The following ATE1 variants were observed in gnomAD, a reference collection of about 807,000 sequenced individuals.
The protein encoded by ATE1 is arginyltransferase 1.
In ATE1, 36 loss-of-function variants were observed where a neutral mutation model predicts 70.5. The ratio of observed to expected loss-of-function variants is 0.51; its 90% CI spans 0.39 to 0.67. ATE1 has a LOEUF of 0.67. Ranked by LOEUF, ATE1 falls within the 30% of genes least tolerant of loss-of-function variation. ATE1 has a pLI of 0.00. For missense variants in ATE1, 593 were observed against 629.5 expected (o/e 0.94, Z 0.62); for synonymous variants, 232 against 219.3 (o/e 1.06, Z -0.51).
intron 7 of ATE1, among the ~76,000 whole-genome samples, chr10:121,882,827 A>T (rs1950268058): frequency 6.6e-6 from 1 of 152,228 alleles, no homozygotes; most frequent in African/African-American, 2.4e-5. Flanking sequence ...GACAGCTAAC[A>T]TCCCATTTCA....
intron 6 of ATE1, among the ~76,000 whole-genome samples, chr10:121,900,209 A>T (rs2134294684): frequency 6.6e-6 from 1 of 152,324 alleles, no homozygotes. Flanking sequence ...ATCCCCTCTA[A>T]ACTATAAGCC....
chr10:121,897,288 T>G (rs1950817352), intron 7 of ATE1, among the ~76,000 whole-genome samples: 1 of 152,090 alleles, frequency 6.6e-6, no homozygotes, highest in South Asian at 2.1e-4. Flanking sequence ...ACAGAAACAT[T>G]TTGTCCAACT....
At chr10:121,745,642 G>A (rs1944334242) in intron 11 of ATE1, among the ~76,000 whole-genome samples, 1 of 152,194 alleles carries the variant, frequency 6.6e-6, no homozygotes, top group Admixed American at 6.5e-5. Flanking sequence ...CAGGAGAATG[G>A]TGTGAACCCG....
At chr10:121,902,203 T>C (rs1351990323) in intron 6 of ATE1, among the ~76,000 whole-genome samples, 188 bp downstream of exon 6, 2 of 151,904 alleles carry the variant, frequency 1.3e-5, no homozygotes, top group African/African-American at 4.8e-5. Context: ...AAAAAAGGAG[T>C]TTCCCTCAAA....
intron 4 of ATE1, among the ~76,000 whole-genome samples, chr10:121,912,248 A>C (rs1410632632): frequency 6.6e-6 from 1 of 152,120 alleles, no homozygotes; most frequent in African/African-American, 2.4e-5. Context: ...TCTTTTTGTC[A>C]TAGCTGTTTA....
intron 10 of ATE1, among the ~76,000 whole-genome samples, chr10:121,821,218 C>T (rs575071984): frequency 5.9e-5 from 9 of 152,216 alleles, no homozygotes; most frequent in Middle Eastern, 3.4e-3. Context: ...TGCTGAGATT[C>T]CTGATGTGAG....
At chr10:121,848,590 C>T (rs1202356699) in intron 8 of ATE1, among the ~76,000 whole-genome samples, 3 of 147,194 alleles carry the variant, frequency 2.0e-5, no homozygotes, top group Non-Finnish European at 4.5e-5. Context: ...TGCACTCCAG[C>T]CTGGGCAACA....
chr10:121,903,346 C>T (rs1951062205), intron 5 of ATE1, among the ~76,000 whole-genome samples: 1 of 152,118 alleles, frequency 6.6e-6, no homozygotes, highest in South Asian at 2.1e-4. Flanking sequence ...AACATAAATA[C>T]TTAGGAACCA....
intron 10 of ATE1, among the ~76,000 whole-genome samples, chr10:121,796,888 A>G (rs1345049374): frequency 6.6e-6 from 1 of 152,238 alleles, no homozygotes; most frequent in Non-Finnish European, 1.5e-5. Flanking sequence ...GCTTTAGCCT[A>G]TAATTTGAAG....
chr10:121,908,989 ATTG>A (rs1030202871), intron 5 of ATE1, among the ~76,000 whole-genome samples: 4 of 152,136 alleles, frequency 2.6e-5, no homozygotes, highest in East Asian at 1.9e-4. Flanking sequence ...AACAAAAGAG[ATTG>A]TTGTTGTTGT....
intron 11 of ATE1, among the ~76,000 whole-genome samples, chr10:121,777,774 T>C (rs2135931592): frequency 6.6e-6 from 1 of 152,346 alleles, no homozygotes; most frequent in Admixed American, 6.5e-5. Flanking sequence ...TCAAACTAAG[T>C]AGAAATTTAC....
chr10:121,868,019 T>C (rs934940258), intron 8 of ATE1, among the ~76,000 whole-genome samples: 1 of 152,206 alleles, frequency 6.6e-6, no homozygotes, highest in African/African-American at 2.4e-5. Flanking sequence ...TATGAATGTA[T>C]ATAAAGCCTT....
chr10:121,811,780 A>AT (rs1947327637), intron 10 of ATE1, among the ~76,000 whole-genome samples: 1 of 151,968 alleles, frequency 6.6e-6, no homozygotes, highest in Non-Finnish European at 1.5e-5. Context: ...ATGTCTCTAC[A>AT]TTTTTTTCTA....
intron 10 of ATE1, among the ~76,000 whole-genome samples, chr10:121,829,843 C>T (rs1458500195): frequency 6.6e-6 from 1 of 152,090 alleles, no homozygotes; most frequent in African/African-American, 2.4e-5. Flanking sequence ...CAAAAATATG[C>T]CATTACTAGT....
At chr10:121,752,700 CTGACCATAAACA>C (rs1181748902) in intron 11 of ATE1, among the ~76,000 whole-genome samples, 1 of 152,204 alleles carries the variant, frequency 6.6e-6, no homozygotes, top group East Asian at 1.9e-4. Flanking sequence ...TGAAAACTAA[CTGACCATAAACA>C]TGAGGGTTTA....
intron 11 of ATE1, among the ~76,000 whole-genome samples, chr10:121,776,185 C>A (rs1453040830): frequency 6.6e-6 from 1 of 152,140 alleles, no homozygotes; most frequent in Non-Finnish European, 1.5e-5. Flanking sequence ...CATTCCAATT[C>A]CACTCTTCCA....
intron 6 of ATE1, among the ~76,000 whole-genome samples, chr10:121,901,138 G>A (rs1950965932): frequency 6.6e-6 from 1 of 151,938 alleles, no homozygotes; most frequent in Non-Finnish European, 1.5e-5. Flanking sequence ...GTAGTGGTGG[G>A]CACTTGTAAT....
intron 7 of ATE1, among the ~76,000 whole-genome samples, chr10:121,879,202 C>T (rs894358786): frequency 3.3e-5 from 5 of 152,094 alleles, no homozygotes; most frequent in African/African-American, 1.2e-4. Flanking sequence ...ATCAGTGTCC[C>T]GGATGTTTTT....
chr10:121,782,675 G>A (rs9888069), intron 11 of ATE1: 93,375 of 152,018 alleles, frequency 0.61, 28,688 homozygotes, highest in South Asian at 0.66. Context: ...GCAAAGTACC[G>A]ATCCTCGGTG....
Sources: gnomAD v4.1 joint callset for allele counts (sites outside exome capture counted in the v4.1 genomes callset) on GRCh38, gnomAD v4.1.1 for gene constraint, MANE v1.5 for transcripts, NCBI Gene and HGNC (gene_info 2026-07-23, HGNC 2026-07-21) for gene names.